The following KIFC3 variants were observed in gnomAD, a reference collection of about 807,000 sequenced individuals.
The protein encoded by KIFC3 is kinesin family member C3.
A neutral mutation model predicts 101.8 loss-of-function variants in KIFC3; 60 were observed. That is an observed-to-expected ratio of 0.59 (90% CI 0.48 to 0.73). KIFC3 has a LOEUF of 0.73. Ranked by LOEUF, KIFC3 falls within the 30% of genes least tolerant of loss-of-function variation. The probability of loss-of-function intolerance (pLI) is 0.00; values close to 1 mark genes in which losing one functional copy is unlikely to be tolerated. For synonymous variants in KIFC3, 476 were observed against 482.7 expected (o/e 0.99, Z 0.18); for missense variants, 966 against 1,137.1 (o/e 0.85, Z 2.16).
intron 1 of KIFC3, among the ~76,000 whole-genome samples, chr16:57,860,928 T>C (rs140741477): frequency 6.6e-6 from 1 of 152,128 alleles, no homozygotes; most frequent in East Asian, 1.9e-4. Flanking sequence ...GCCAGGCTGG[T>C]CTTCAACTCC....
chr16:57,841,912 C>T (rs1437879545), intron 1 of KIFC3, among the ~76,000 whole-genome samples: 5 of 151,846 alleles, frequency 3.3e-5, no homozygotes, highest in African/African-American at 1.2e-4. Flanking sequence ...CCACCTCCTC[C>T]CCTCTTCTCA....
At chr16:57,821,518 T>C (rs2055349655) in intron 1 of KIFC3, among the ~76,000 whole-genome samples, 1 of 152,190 alleles carries the variant, frequency 6.6e-6, no homozygotes, top group South Asian at 2.1e-4. Flanking sequence ...CAGTGATTTC[T>C]AGACTCAAAG....
At chr16:57,759,280 G>A in intron 18 of KIFC3, 127 bp from the exon 19 acceptor site, 3 of 1,150,558 alleles carry the variant, frequency 2.6e-6, no homozygotes. Context: ...GGGCTAAACA[G>A]GGGCTGGAGC....
At chr16:57,824,544 G>T (rs546783383) in intron 1 of KIFC3, among the ~76,000 whole-genome samples, 48 of 152,234 alleles carry the variant, frequency 3.2e-4, no homozygotes, top group Admixed American at 6.5e-4. Flanking sequence ...TTAGCCAGGC[G>T]TGGTGGTGCA....
At chr16:57,823,761 T>TGTGTGTGTGTGTG (rs1568088450) in intron 1 of KIFC3, among the ~76,000 whole-genome samples, 163 of 136,714 alleles carry the variant, frequency 1.2e-3, no homozygotes, top group Non-Finnish European at 1.8e-3. Context: ...CCCGGCTACT[T>TGTGTGTGTGTGTG]TGTGTGTGTG....
intron 12 of KIFC3, among the ~76,000 whole-genome samples, chr16:57,763,416 G>A (rs1177253789): frequency 1.3e-5 from 2 of 152,072 alleles, no homozygotes; most frequent in African/African-American, 2.4e-5. Context: ...GTCCAGATGG[G>A]AAATAAGAGG....
chr16:57,759,372 G>A, intron 18 of KIFC3: 1 of 611,846 alleles, frequency 1.6e-6, no homozygotes, highest in Non-Finnish European at 2.9e-6. Flanking sequence ...CGGGGCAGCT[G>A]AGGCACAGGG....
chr16:57,798,818 C>G (rs2054540875), intron 1 of KIFC3, among the ~76,000 whole-genome samples: 1 of 152,208 alleles, frequency 6.6e-6, no homozygotes, highest in African/African-American at 2.4e-5. Context: ...CAAGTGAAGT[C>G]TATATACAGT....
At chr16:57,772,395 C>G (rs782345849) in intron 3 of KIFC3, 107 bp from the exon 4 acceptor site, 2 of 934,754 alleles carry the variant, frequency 2.1e-6, no homozygotes, top group South Asian at 2.9e-5. Flanking sequence ...GTGGCTTCTT[C>G]TAAGGCTGTG....
chr16:57,764,888 A>G (rs1240171986), intron 11 of KIFC3, among the ~76,000 whole-genome samples: 2 of 141,394 alleles, frequency 1.4e-5, no homozygotes, highest in Non-Finnish European at 3.1e-5. Context: ...ACATGGTGGG[A>G]AGATGGGAGG....
Position 57,764,227 on chromosome 16 carries a change from G to GGCCT in KIFC3, c.1529_1532dup (p.Leu512GlyfsTer8). On this transcript the variant is annotated frameshift_variant, in exon 12 of 20. Coordinates refer to ENST00000445690, the MANE Select transcript of KIFC3 (RefSeq NM_001130100.2). LOFTEE classifies it high-confidence loss of function. ...AGCCATCAATGCAAGAGGTGACCAG[G>GGCCT]GCCTGCACCTCCTGGAACACCTGGG... The GGCCT allele has an allele frequency of 6.2e-7, 1 of 1,610,944 alleles. No homozygotes were observed. The highest frequency in any genetic ancestry group is 8.5e-7 in the Non-Finnish European group (1 of 1,178,976).
At chr16:57,851,626 G>A (rs1292525532) in intron 1 of KIFC3, among the ~76,000 whole-genome samples, 1 of 151,452 alleles carries the variant, frequency 6.6e-6, no homozygotes, top group Non-Finnish European at 1.5e-5. Context: ...GAGTGCAGTG[G>A]CACAATCCCG....
intron 1 of KIFC3, among the ~76,000 whole-genome samples, chr16:57,857,826 T>TTC (rs1386802496): frequency 3.6e-5 from 2 of 56,086 alleles, no homozygotes; most frequent in Non-Finnish European, 6.0e-5. Context: ...TTCTTTCTTT[T>TTC]TTTTTTTTTT....
chr16:57,773,121 CTT>C (rs1239406130), intron 3 of KIFC3, among the ~76,000 whole-genome samples: 8 of 152,348 alleles, frequency 5.3e-5, no homozygotes, highest in South Asian at 4.1e-4. Context: ...CAGACACAGA[CTT>C]TGGCTCCAGC....
At chr16:57,768,218 C>T (rs1305489460) in intron 9 of KIFC3, among the ~76,000 whole-genome samples, 3 of 151,986 alleles carry the variant, frequency 2.0e-5, no homozygotes, top group African/African-American at 4.8e-5. Flanking sequence ...TGGTGGCACA[C>T]GCCTGTAATC....
chr16:57,795,900 T>TG (rs1568048262), intron 2 of KIFC3, among the ~76,000 whole-genome samples: 5 of 146,424 alleles, frequency 3.4e-5, no homozygotes, highest in South Asian at 2.2e-4. Flanking sequence ...TTTTTTTTTT[T>TG]TTTTTTTTTT....
intron 3 of KIFC3, chr16:57,776,331 C>T: frequency 1.0e-6 from 1 of 985,492 alleles, no homozygotes; most frequent in Non-Finnish European, 1.2e-6. Context: ...TGTATGACCA[C>T]CGGCCAGGCC....
upstream of KIFC3, among the ~76,000 whole-genome samples, chr16:57,808,162 G>A: frequency 6.6e-6 from 1 of 152,176 alleles, no homozygotes; most frequent in South Asian, 2.1e-4. Context: ...AAAAGCAAAC[G>A]GAGGCTTTGT....
At chr16:57,794,087 TTA>T (rs1241720362) in intron 3 of KIFC3, among the ~76,000 whole-genome samples, 1 of 152,186 alleles carries the variant, frequency 6.6e-6, no homozygotes, top group Non-Finnish European at 1.5e-5. Flanking sequence ...CCTGAGATTG[TTA>T]TGAGTATGAT....
Sources: gnomAD v4.1 joint callset for allele counts (sites outside exome capture counted in the v4.1 genomes callset) on GRCh38, gnomAD v4.1.1 for gene constraint, MANE v1.5 for transcripts, NCBI Gene and HGNC (gene_info 2026-07-23, HGNC 2026-07-21) for gene names.